The following RIMS2 variants were observed in gnomAD, a reference collection of about 807,000 sequenced individuals.
RIMS2 encodes the protein regulating synaptic membrane exocytosis 2.
RIMS2 carries 59 observed loss-of-function variants against 174.4 expected under a neutral mutation model. The ratio of observed to expected loss-of-function variants is 0.34; its 90% CI spans 0.27 to 0.42. The LOEUF (loss-of-function observed/expected upper bound fraction) is 0.42, where lower values mean the gene tolerates loss of function less well. Among genes scored for constraint, RIMS2 ranks in the 10% least tolerant of loss-of-function variants. The pLI, the probability that RIMS2 is intolerant of heterozygous loss-of-function variation, is 1.00. For missense variants in RIMS2, 1,620 were observed against 1,666.3 expected (o/e 0.97, Z 0.48); for synonymous variants, 606 against 572.5 (o/e 1.06, Z -0.84).
intron 1 of RIMS2, among the ~76,000 whole-genome samples, chr8:103,508,902 T>C (rs1825080710): frequency 6.6e-6 from 1 of 152,060 alleles, no homozygotes; most frequent in African/African-American, 2.4e-5. Context: ...TAAACTCTTA[T>C]GATGCCAGAC....
chr8:103,842,741 T>A (rs111482069), intron 3 of RIMS2, among the ~76,000 whole-genome samples: 30 of 152,324 alleles, frequency 2.0e-4, no homozygotes, highest in African/African-American at 6.0e-4. Context: ...AGAAGTTTTT[T>A]AAAAAATTTA....
intron 3 of RIMS2, among the ~76,000 whole-genome samples, chr8:103,797,495 A>T (rs2098557739): frequency 6.6e-6 from 1 of 152,136 alleles, no homozygotes; most frequent in South Asian, 2.1e-4. Flanking sequence ...CATATCTTTT[A>T]CTTGTTACAA....
At chr8:103,920,390 C>T (rs1595156470) in intron 9 of RIMS2, among the ~76,000 whole-genome samples, 1 of 151,824 alleles carries the variant, frequency 6.6e-6, no homozygotes, top group East Asian at 1.9e-4. Context: ...TTGTAAAAAA[C>T]AACAACGACA....
intron 2 of RIMS2, among the ~76,000 whole-genome samples, chr8:103,757,025 G>C (rs1344990251): frequency 6.6e-6 from 1 of 151,200 alleles, no homozygotes; most frequent in Non-Finnish European, 1.5e-5. Context: ...GAGAGAGAGA[G>C]AGAGAGAGAG....
intron 16 of RIMS2, among the ~76,000 whole-genome samples, chr8:103,984,104 G>A (rs1290280163): frequency 6.6e-6 from 1 of 152,034 alleles, no homozygotes; most frequent in East Asian, 1.9e-4. Context: ...AACCTGGGAG[G>A]CGGAGCTTGC....
At chr8:104,231,995 T>C (rs1424102114) in intron 19 of RIMS2, among the ~76,000 whole-genome samples, 1 of 152,226 alleles carries the variant, frequency 6.6e-6, no homozygotes, top group African/African-American at 2.4e-5. Flanking sequence ...ACAATGCAGC[T>C]CTAGGAACTT....
At chr8:104,124,028 A>G (rs958793864) in intron 19 of RIMS2, among the ~76,000 whole-genome samples, 20 of 152,188 alleles carry the variant, frequency 1.3e-4, no homozygotes, top group African/African-American at 4.6e-4. Context: ...ACCAACTGCT[A>G]TACTGAAAAT....
At chr8:104,070,194 A>C (rs572278868) in intron 19 of RIMS2, among the ~76,000 whole-genome samples, 1 of 152,342 alleles carries the variant, frequency 6.6e-6, no homozygotes, top group Non-Finnish European at 1.5e-5. Context: ...AACATAGAGA[A>C]GGCAGAGATT....
intron 1 of RIMS2, among the ~76,000 whole-genome samples, chr8:103,575,679 C>CATATATATATATATATATATATAT (rs112166531): frequency 7.1e-6 from 1 of 141,006 alleles, no homozygotes; most frequent in East Asian, 2.1e-4. Context: ...CATACACACA[C>CATATATATATATATATATATATAT]ACACACATAT....
chr8:103,591,564 G>A (rs2433250), intron 1 of RIMS2, among the ~76,000 whole-genome samples: 122,676 of 151,030 alleles, frequency 0.81, 50,320 homozygotes, highest in African/African-American at 0.92. Context: ...TCTATAATCC[G>A]TGTTGAATTA....
chr8:103,539,794 T>C (rs1203674053), intron 1 of RIMS2, among the ~76,000 whole-genome samples: 1 of 152,224 alleles, frequency 6.6e-6, no homozygotes, highest in Non-Finnish European at 1.5e-5. Flanking sequence ...TGAGCTGCAG[T>C]CACCCTGAGA....
intron 19 of RIMS2, among the ~76,000 whole-genome samples, chr8:104,045,483 A>T (rs578049399): frequency 3.6e-4 from 55 of 151,978 alleles, no homozygotes; most frequent in African/African-American, 1.3e-3. Flanking sequence ...ATAAATTTTA[A>T]AATACTATTT....
At chr8:104,190,911 CA>C (rs1335751124) in intron 19 of RIMS2, among the ~76,000 whole-genome samples, 1 of 149,162 alleles carries the variant, frequency 6.7e-6, no homozygotes, top group Non-Finnish European at 1.5e-5. Context: ...TGAAGAATGA[CA>C]AATTTAATTC....
chr8:104,245,143 A>C (rs1166066330), intron 20 of RIMS2, 86 bp downstream of exon 26: 224 of 1,365,786 alleles, frequency 1.6e-4, no homozygotes, highest in Middle Eastern at 2.5e-4. Context: ...TCCAACTCTC[A>C]TGCTCTTCAG....
At chr8:104,056,901 G>C (rs2096878372) in intron 19 of RIMS2, among the ~76,000 whole-genome samples, 1 of 151,894 alleles carries the variant, frequency 6.6e-6, no homozygotes, top group African/African-American at 2.4e-5. Context: ...AGAAAAAAAA[G>C]TTTTTATTTA....
chr8:104,071,941 T>C (rs2154561724), intron 19 of RIMS2, among the ~76,000 whole-genome samples: 1 of 152,328 alleles, frequency 6.6e-6, no homozygotes, highest in East Asian at 1.9e-4. Flanking sequence ...TCTGACATCT[T>C]TATAAGGCCT....
chr8:104,095,299 T>C (rs552617941), intron 19 of RIMS2, among the ~76,000 whole-genome samples: 94 of 152,274 alleles, frequency 6.2e-4, no homozygotes, highest in African/African-American at 2.2e-3. Context: ...TCTAGTGCAG[T>C]TTGAGTCCTG....
At chr8:103,912,418 G>T (rs1353029222) in intron 6 of RIMS2, among the ~76,000 whole-genome samples, 1 of 151,950 alleles carries the variant, frequency 6.6e-6, no homozygotes, top group Non-Finnish European at 1.5e-5. Flanking sequence ...ACCTAATTAA[G>T]ATCTACTTGA....
intron 3 of RIMS2, among the ~76,000 whole-genome samples, chr8:103,824,683 A>G (rs965049783): frequency 6.6e-6 from 1 of 152,318 alleles, no homozygotes; most frequent in Non-Finnish European, 1.5e-5. Context: ...GCTCTGGTAT[A>G]GAAAGTGGGA....
Sources: gnomAD v4.1 joint callset for allele counts (sites outside exome capture counted in the v4.1 genomes callset) on GRCh38, gnomAD v4.1.1 for gene constraint, MANE v1.5 for transcripts, NCBI Gene and HGNC (gene_info 2026-07-23, HGNC 2026-07-21) for gene names.